The following GSDMC variants were observed in gnomAD, a reference collection of about 807,000 sequenced individuals.
GSDMC encodes gasdermin C, also known as gasdermin-C.
A neutral mutation model predicts 58.0 loss-of-function variants in GSDMC; 59 were observed. The observed-to-expected ratio is 1.02, with a 90% CI of 0.82 to 1.26. The LOEUF (loss-of-function observed/expected upper bound fraction) is 1.26, where lower values mean the gene tolerates loss of function less well. Ranked by LOEUF, GSDMC falls within the 50% of genes most tolerant of loss-of-function variation. The pLI, the probability that GSDMC is intolerant of heterozygous loss-of-function variation, is 0.00. For missense variants in GSDMC, 659 were observed against 598.5 expected, an observed-to-expected ratio of 1.10 and a Z score of -1.06; for synonymous variants, 241 against 220.2, an observed-to-expected ratio of 1.09 and a Z score of -0.83.
chr8:129,767,125 C>A (rs1365088983), intron 3 of GSDMC, among the ~76,000 whole-genome samples: 1 of 152,156 alleles, frequency 6.6e-6, no homozygotes, highest in Non-Finnish European at 1.5e-5. Flanking sequence ...AGTGGTATAG[C>A]CTCCCTGTGG....
At chr8:129,724,063 C>T in the GSDMC span, among the ~76,000 whole-genome samples, 2 of 152,182 alleles carry the variant, frequency 1.3e-5, no homozygotes, top group African/African-American at 4.8e-5. Flanking sequence ...TATCCTGAGG[C>T]AATCACTCAC....
chr8:129,760,812 T>C (rs978075806), intron 5 of GSDMC, among the ~76,000 whole-genome samples: 1 of 152,230 alleles, frequency 6.6e-6, no homozygotes, highest in Non-Finnish European at 1.5e-5. Flanking sequence ...ATTACCTTGA[T>C]AGAGTAAAGG....
At chr8:129,782,365 A>T (rs1161967898) in intron 1 of GSDMC, among the ~76,000 whole-genome samples, 1 of 152,188 alleles carries the variant, frequency 6.6e-6, no homozygotes, top group African/African-American at 2.4e-5. Flanking sequence ...AATAATGATC[A>T]GAGCAGAAAT....
At chr8:129,717,083 G>A in the GSDMC span, among the ~76,000 whole-genome samples, 1 of 151,942 alleles carries the variant, frequency 6.6e-6, no homozygotes, top group Non-Finnish European at 1.5e-5. Flanking sequence ...ATTTTTTGTT[G>A]TTGTTGTGTC....
intron 13 of GSDMC, 119 bp from the exon 14 acceptor site, chr8:129,748,859 G>A: frequency 1.4e-6 from 1 of 733,442 alleles, no homozygotes; most frequent in Non-Finnish European, 2.0e-6. Context: ...TTGGGATCCA[G>A]CGGACCAGGA....
At chr8:129,735,941 C>A in the GSDMC span, among the ~76,000 whole-genome samples, 5 of 152,164 alleles carry the variant, frequency 3.3e-5, no homozygotes, top group East Asian at 9.7e-4. Context: ...AGAGAAGAAT[C>A]AAATAGACAC....
At chr8:129,772,117 C>A (rs1419259504) in intron 3 of GSDMC, among the ~76,000 whole-genome samples, 2 of 151,730 alleles carry the variant, frequency 1.3e-5, no homozygotes, top group African/African-American at 4.8e-5. Context: ...ACAAAAAATT[C>A]GGGCATGGTG....
chr8:129,716,828 G>A, the GSDMC span, among the ~76,000 whole-genome samples: 35 of 152,280 alleles, frequency 2.3e-4, no homozygotes, highest in African/African-American at 8.4e-4. Context: ...TAGCATAAAG[G>A]TGTGTTGAAT....
chr8:129,730,212 A>G, the GSDMC span: 2 of 1,255,398 alleles, frequency 1.6e-6, no homozygotes. Context: ...AGAAGAAGAA[A>G]TGAATAAAAG....
chr8:129,769,064 C>A (rs1208374638), intron 3 of GSDMC, among the ~76,000 whole-genome samples: 1 of 146,400 alleles, frequency 6.8e-6, no homozygotes, highest in East Asian at 1.9e-4. Context: ...AGTGACAGGG[C>A]AAGACCCTGT....
the GSDMC span, among the ~76,000 whole-genome samples, chr8:129,725,722 G>T: frequency 1.3e-5 from 2 of 152,226 alleles, no homozygotes; most frequent in South Asian, 4.2e-4. Flanking sequence ...CACTATACTA[G>T]GTTCTTTATA....
At chr8:129,785,057 C>A (rs1228389474) in intron 1 of GSDMC, among the ~76,000 whole-genome samples, 1 of 151,962 alleles carries the variant, frequency 6.6e-6, no homozygotes, top group Non-Finnish European at 1.5e-5. Context: ...ACTAAAAATA[C>A]AAAATTAGCC....
At chr8:129,757,568 G>C (rs2033490268) in intron 6 of GSDMC, among the ~76,000 whole-genome samples, 1 of 151,614 alleles carries the variant, frequency 6.6e-6, no homozygotes, top group Admixed American at 6.6e-5. Context: ...GTATTACCCA[G>C]ATACCAAAAC....
intron 1 of GSDMC, among the ~76,000 whole-genome samples, chr8:129,779,273 G>C (rs1033214878): frequency 7.2e-5 from 11 of 152,156 alleles, no homozygotes; most frequent in African/African-American, 2.4e-4. Context: ...GGAATACTAT[G>C]TAGCCAAAAA....
In GSDMC at chr8:129,760,556, G is replaced by T; in HGVS notation, c.710C>A (p.Thr237Asn). Reference protein sequence around the residue: ...ILISDDDEQRTFQDEYEISEM... With the variant: ...ILISDDDEQRNFQDEYEISEM... ...GCTTTGGAACTCACCATCTTGAAAG[G>T]TTCTCTGTTCATCATCATCTGAGAT... Residue 237 changes from threonine to asparagine, a missense_variant, in exon 6 of 14, where the codon ACC becomes AAC. Coordinates refer to ENST00000276708, the MANE Select transcript of GSDMC (RefSeq NM_031415.3). The T allele has an allele frequency of 2.5e-6, 4 of 1,597,000 alleles. No homozygotes were observed. Among genetic ancestry groups the T allele is most frequent in the Non-Finnish European group, 3.4e-6 (4 of 1,165,208 alleles).
chr8:129,729,158 A>G, the GSDMC span: 1 of 667,164 alleles, frequency 1.5e-6, no homozygotes, highest in Non-Finnish European at 2.9e-6. Flanking sequence ...AATGTTGTTT[A>G]CTTCAGAGAT....
intron 3 of GSDMC, among the ~76,000 whole-genome samples, chr8:129,775,429 G>T (rs984750399): frequency 9.2e-5 from 14 of 152,226 alleles, no homozygotes; most frequent in African/African-American, 3.4e-4. Context: ...GGGGCACATT[G>T]GTCAAAGGCA....
At chr8:129,771,892 G>A (rs780328221) in intron 3 of GSDMC, among the ~76,000 whole-genome samples, 1 of 152,138 alleles carries the variant, frequency 6.6e-6, no homozygotes, top group South Asian at 2.1e-4. Flanking sequence ...AGTTCTAAGA[G>A]GAAAGTTTAT....
the GSDMC span, among the ~76,000 whole-genome samples, chr8:129,734,351 G>A: frequency 0.13 from 19,305 of 151,986 alleles, 2,114 homozygotes; most frequent in African/African-American, 0.3. Flanking sequence ...CTCGAGAAGA[G>A]CAACCCCAAG....
Sources: gnomAD v4.1 joint callset for allele counts (sites outside exome capture counted in the v4.1 genomes callset) on GRCh38, gnomAD v4.1.1 for gene constraint, MANE v1.5 for transcripts, NCBI Gene and HGNC (gene_info 2026-07-23, HGNC 2026-07-21) for gene names.